Variants in TGFA observed in about 807,000 individuals in gnomAD.
TGFA encodes the protein protransforming growth factor alpha.
TGFA carries 12 observed loss-of-function variants against 21.7 expected under a neutral mutation model. The observed-to-expected ratio is 0.55, with a 90% confidence interval of 0.35 to 0.90. The LOEUF is 0.90. Ranked by LOEUF, TGFA falls within the 40% of genes least tolerant of loss-of-function variation. The pLI, the probability that TGFA is intolerant of heterozygous loss-of-function variation, is 0.01. For missense variants in TGFA, 178 were observed against 210.8 expected, an observed-to-expected ratio of 0.84 and a Z score of 0.96; for synonymous variants, 79 against 88.1, an observed-to-expected ratio of 0.90 and a Z score of 0.58.
At chr2:70,472,979 T>C (rs1477874072) in intron 2 of TGFA, among the ~76,000 whole-genome samples, 2 of 152,204 alleles carry the variant, frequency 1.3e-5, no homozygotes, top group Non-Finnish European at 2.9e-5. Flanking sequence ...CTAATACTTT[T>C]TGGATGTCTA....
At chr2:70,473,579 T>A (rs1408310423) in intron 2 of TGFA, among the ~76,000 whole-genome samples, 1 of 151,802 alleles carries the variant, frequency 6.6e-6, no homozygotes, top group Non-Finnish European at 1.5e-5. Context: ...GAGCAGCGGA[T>A]GTCAGCAGAG....
At chr2:70,514,769 G>C in intron 2 of TGFA, 90 bp downstream of exon 2, 1 of 1,378,930 alleles carries the variant, frequency 7.3e-7, no homozygotes, top group South Asian at 1.2e-5. Flanking sequence ...GTGGGCAGGA[G>C]GCCAGGGAGG....
At chr2:70,523,242 A>G (rs1433643873) in intron 1 of TGFA, among the ~76,000 whole-genome samples, 1 of 152,148 alleles carries the variant, frequency 6.6e-6, no homozygotes, top group Non-Finnish European at 1.5e-5. Flanking sequence ...GAACACAAAG[A>G]CTTCCATCCA....
intron 2 of TGFA, among the ~76,000 whole-genome samples, chr2:70,477,541 C>G (rs1351471362): frequency 6.6e-6 from 1 of 152,198 alleles, no homozygotes; most frequent in Non-Finnish European, 1.5e-5. Context: ...CCTTTTTCTC[C>G]TGAGAATAGA....
intron 1 of TGFA, among the ~76,000 whole-genome samples, chr2:70,518,427 C>T (rs1290352668): frequency 6.6e-6 from 1 of 152,166 alleles, no homozygotes; most frequent in East Asian, 1.9e-4. Flanking sequence ...CAAGTGTTGC[C>T]ATGCTTATCG....
chr2:70,487,297 A>G (rs1235316825), intron 2 of TGFA, among the ~76,000 whole-genome samples: 1 of 152,226 alleles, frequency 6.6e-6, no homozygotes, highest in Non-Finnish European at 1.5e-5. Flanking sequence ...TCAATTAAGT[A>G]TTATGCTACA....
chr2:70,533,925 TTG>T lies in TGFA; in HGVS notation c.41-19015_41-19014del, dbSNP rs1672895901. On this transcript the variant is annotated intron_variant, in intron 1 of 5. Coordinates refer to ENST00000295400, the MANE Select transcript of TGFA (RefSeq NM_003236.4). ...AAAGAAGTCTGTCTCACTGGTTGTT[TTG>T]TGTGTTAGCAATACACTGTTTGCCA... 5.9e-5 allele frequency among the ~76,000 whole-genome samples: 9 copies of T among 152,320 alleles called. No homozygotes were observed. In the South Asian group the frequency reaches 1.9e-3, roughly 32 times the overall value.
At chr2:70,526,315 T>C (rs1325749660) in intron 1 of TGFA, among the ~76,000 whole-genome samples, 1 of 152,148 alleles carries the variant, frequency 6.6e-6, no homozygotes, top group Non-Finnish European at 1.5e-5. Context: ...TCCAGGTGTT[T>C]TATAGTGGTG....
intron 3 of TGFA, among the ~76,000 whole-genome samples, chr2:70,457,171 A>G (rs1670259090): frequency 6.6e-6 from 1 of 152,174 alleles, no homozygotes; most frequent in Non-Finnish European, 1.5e-5. Flanking sequence ...AATTCCTGGT[A>G]TTGCTACCAT....
At chr2:70,475,928 A>G (rs1670907471) in intron 2 of TGFA, among the ~76,000 whole-genome samples, 1 of 151,990 alleles carries the variant, frequency 6.6e-6, no homozygotes, top group African/African-American at 2.4e-5. Flanking sequence ...TACATTCATT[A>G]TGGATTAAAA....
intron 1 of TGFA, among the ~76,000 whole-genome samples, chr2:70,543,296 G>A (rs1553505413): frequency 6.6e-6 from 1 of 151,964 alleles, no homozygotes; most frequent in African/African-American, 2.4e-5. Context: ...GGGAGGCTGA[G>A]GCAGGTGGAT....
chr2:70,490,760 C>T (rs187988471), intron 2 of TGFA, among the ~76,000 whole-genome samples: 89 of 152,298 alleles, frequency 5.8e-4, no homozygotes, highest in African/African-American at 2.0e-3. Context: ...TCTGCCCTAA[C>T]GTTCTAGCCA....
intron 3 of TGFA, among the ~76,000 whole-genome samples, chr2:70,460,081 A>G (rs1016389841): frequency 6.6e-6 from 1 of 152,244 alleles, no homozygotes. Context: ...TAATTCTGAC[A>G]CTGCCAGAGT....
chr2:70,493,060 A>G (rs1477120709), intron 2 of TGFA, among the ~76,000 whole-genome samples: 2 of 152,186 alleles, frequency 1.3e-5, no homozygotes, highest in African/African-American at 4.8e-5. Context: ...CATATATTCA[A>G]TCTCAAATGG....
At chr2:70,455,668 G>A (rs983117438) in intron 4 of TGFA, among the ~76,000 whole-genome samples, 15 of 152,192 alleles carry the variant, frequency 9.9e-5, no homozygotes, top group African/African-American at 3.6e-4. Flanking sequence ...GAATAAATCT[G>A]GCATAGTTCC....
intron 2 of TGFA, among the ~76,000 whole-genome samples, chr2:70,472,504 G>A (rs188426602): frequency 2.0e-5 from 3 of 152,208 alleles, no homozygotes; most frequent in African/African-American, 7.2e-5. Flanking sequence ...AGGGCCTGGA[G>A]CCCAACCCTA....
At chr2:70,523,443 CT>C (rs1300793763) in intron 1 of TGFA, among the ~76,000 whole-genome samples, 1 of 152,186 alleles carries the variant, frequency 6.6e-6, no homozygotes, top group African/African-American at 2.4e-5. Context: ...CTGATGCTCC[CT>C]ATTACAGCCC....
At chr2:70,533,628 G>GTTAA (rs1672882765) in intron 1 of TGFA, among the ~76,000 whole-genome samples, 1 of 149,464 alleles carries the variant, frequency 6.7e-6, no homozygotes, top group African/African-American at 2.5e-5. Flanking sequence ...TGGATAGGCT[G>GTTAA]CTGGTCTTGT....
intron 3 of TGFA, among the ~76,000 whole-genome samples, chr2:70,462,454 C>G (rs1323518803): frequency 6.6e-6 from 1 of 152,146 alleles, no homozygotes; most frequent in Non-Finnish European, 1.5e-5. Context: ...AGCAGGGCAA[C>G]AGGTGACCAG....
Sources: allele counts gnomAD v4.1 joint callset (sites outside exome capture counted in the v4.1 genomes callset), GRCh38; gene constraint gnomAD v4.1.1; transcripts MANE v1.5; gene names NCBI Gene and HGNC (gene_info 2026-07-23, HGNC 2026-07-21).